Variants in CFAP299 observed in about 807,000 individuals in gnomAD.
CFAP299 encodes cilia and flagella associated protein 299, also known as cilia- and flagella-associated protein 299.
Under a neutral mutation model 27.0 loss-of-function variants are expected in CFAP299, and 21 were observed. That is an observed-to-expected ratio of 0.78 (90% CI 0.55 to 1.12). CFAP299 has a LOEUF of 1.12. Ranked by LOEUF, CFAP299 falls within the 50% of genes most tolerant of loss-of-function variation. The pLI is 0.00. For missense variants in CFAP299, 310 were observed against 276.6 expected (o/e 1.12, Z -0.86); for synonymous variants, 104 against 98.1 (o/e 1.06, Z -0.36).
intron 3 of CFAP299, among the ~76,000 whole-genome samples, chr4:80,828,235 C>A (rs1730095635): frequency 6.6e-6 from 1 of 151,466 alleles, no homozygotes. Flanking sequence ...CCTGGAAGAG[C>A]CAAAACAATT....
At chr4:80,392,769 G>GA (rs56068053) in intron 2 of CFAP299, among the ~76,000 whole-genome samples, 15,000 of 149,320 alleles carry the variant, frequency 0.1, 1,010 homozygotes, top group Middle Eastern at 0.17. Context: ...TCTCAAAAAT[G>GA]AAAAAAAAAG....
At chr4:80,763,835 G>A (rs960873613) in intron 3 of CFAP299, among the ~76,000 whole-genome samples, 2 of 152,086 alleles carry the variant, frequency 1.3e-5, no homozygotes, top group African/African-American at 4.8e-5. Flanking sequence ...CAACAAACCT[G>A]ACAAAAACAA....
intron 3 of CFAP299, among the ~76,000 whole-genome samples, chr4:80,586,467 T>A (rs912039494): frequency 6.6e-6 from 1 of 150,892 alleles, no homozygotes; most frequent in Non-Finnish European, 1.5e-5. Flanking sequence ...TGTTGATCAA[T>A]GTAAGATATT....
At chr4:80,358,198 G>T (rs942472529) in intron 1 of CFAP299, among the ~76,000 whole-genome samples, 1 of 152,034 alleles carries the variant, frequency 6.6e-6, no homozygotes, top group Admixed American at 6.5e-5. Context: ...TTTGGTCCAA[G>T]ATATTGTTTG....
chr4:80,393,449 ACTCACT>A (rs1250379351), intron 2 of CFAP299, among the ~76,000 whole-genome samples: 1 of 152,132 alleles, frequency 6.6e-6, no homozygotes, highest in Non-Finnish European at 1.5e-5. Context: ...TGACTCACTG[ACTCACT>A]GACTCACTGA....
intron 2 of CFAP299, among the ~76,000 whole-genome samples, chr4:80,561,436 T>A (rs532140118): frequency 3.8e-4 from 58 of 152,230 alleles, no homozygotes; most frequent in Admixed American, 9.8e-4. Context: ...ATCAGTGCTA[T>A]CCAGGAAAAC....
intron 3 of CFAP299, among the ~76,000 whole-genome samples, chr4:80,806,557 C>G (rs574599558): frequency 6.6e-6 from 1 of 152,158 alleles, no homozygotes; most frequent in African/African-American, 2.4e-5. Flanking sequence ...ACAAACAAAC[C>G]AGCAAACATC....
intron 3 of CFAP299, among the ~76,000 whole-genome samples, chr4:80,687,575 A>G (rs1720288022): frequency 1.3e-5 from 2 of 152,170 alleles, no homozygotes; most frequent in Non-Finnish European, 2.9e-5. Flanking sequence ...TGCTTTGTAA[A>G]TAATTTGTTG....
intron 2 of CFAP299, among the ~76,000 whole-genome samples, chr4:80,510,189 AAT>A (rs1217114243): frequency 1.3e-5 from 2 of 152,170 alleles, no homozygotes; most frequent in African/African-American, 2.4e-5. Flanking sequence ...CTTTTTAAAA[AAT>A]ATGTTTCGCT....
intron 2 of CFAP299, among the ~76,000 whole-genome samples, chr4:80,526,603 T>G (rs1467566297): frequency 6.6e-6 from 1 of 152,100 alleles, no homozygotes; most frequent in Non-Finnish European, 1.5e-5. Flanking sequence ...ATTTTCAAAT[T>G]TATAACATTA....
chr4:80,363,338 A>C (rs1308759640), intron 2 of CFAP299, among the ~76,000 whole-genome samples: 1 of 152,186 alleles, frequency 6.6e-6, no homozygotes, highest in Non-Finnish European at 1.5e-5. Flanking sequence ...TTAGTATATA[A>C]TATGTGGTTA....
At chr4:80,725,111 ATTTTTT>A (rs70956062) in intron 3 of CFAP299, among the ~76,000 whole-genome samples, 2 of 88,516 alleles carry the variant, frequency 2.3e-5, no homozygotes, top group Admixed American at 1.4e-4. Context: ...TGCCTGGCCA[ATTTTTT>A]TTTTTTTTTT....
chr4:80,792,471 A>G (rs1578128495), intron 3 of CFAP299, among the ~76,000 whole-genome samples: 1 of 152,112 alleles, frequency 6.6e-6, no homozygotes. Flanking sequence ...AGAAGGAAGA[A>G]ATACATTAGA....
chr4:80,884,423 G>T (rs75735116), intron 4 of CFAP299, among the ~76,000 whole-genome samples: 7,518 of 151,998 alleles, frequency 0.049, 273 homozygotes, highest in East Asian at 0.15. Flanking sequence ...ACAGGTAAAA[G>T]AATAAACCAA....
chr4:80,505,692 G>C (rs1731992446), intron 2 of CFAP299, among the ~76,000 whole-genome samples: 1 of 152,050 alleles, frequency 6.6e-6, no homozygotes, highest in African/African-American at 2.4e-5. Flanking sequence ...AGGAAATGTT[G>C]GAAGAGACTT....
chr4:80,533,401 C>A (rs978749532), intron 2 of CFAP299, among the ~76,000 whole-genome samples: 1 of 152,130 alleles, frequency 6.6e-6, no homozygotes, highest in African/African-American at 2.4e-5. Context: ...TTTATAAGTT[C>A]TTTTACTGGA....
At chr4:80,743,329 T>A (rs1201889274) in intron 3 of CFAP299, among the ~76,000 whole-genome samples, 2 of 152,130 alleles carry the variant, frequency 1.3e-5, no homozygotes, top group African/African-American at 4.8e-5. Context: ...GTAGATAAAT[T>A]TACATTTGTA....
chr4:80,400,539 C>T (rs970370683), intron 2 of CFAP299, among the ~76,000 whole-genome samples: 4 of 152,140 alleles, frequency 2.6e-5, no homozygotes, highest in Non-Finnish European at 4.4e-5. Flanking sequence ...GTTTTTGCTT[C>T]TTCCTCATTT....
intron 3 of CFAP299, among the ~76,000 whole-genome samples, chr4:80,806,914 T>A (rs1287579275): frequency 6.6e-6 from 1 of 152,204 alleles, no homozygotes; most frequent in African/African-American, 2.4e-5. Flanking sequence ...TTTAACCATT[T>A]AAAGATGTTA....
Sources: gnomAD v4.1 joint callset for allele counts (sites outside exome capture counted in the v4.1 genomes callset) on GRCh38, gnomAD v4.1.1 for gene constraint, MANE v1.5 for transcripts, NCBI Gene and HGNC (gene_info 2026-07-23, HGNC 2026-07-21) for gene names.